Variants in CNOT2 observed in about 807,000 individuals in gnomAD.
CNOT2 encodes the protein CCR4-NOT transcription complex subunit 2, also known as CC chemokine receptor 4-negative regulator of transcription 2.
Under a neutral mutation model 72.1 loss-of-function variants are expected in CNOT2, and 7 were observed. The ratio of observed to expected loss-of-function variants is 0.10; its 90% confidence interval spans 0.06 to 0.18. CNOT2 has a LOEUF of 0.18. CNOT2 is among the 10% of genes least tolerant of loss of function. The pLI is 1.00. For synonymous variants in CNOT2, 196 were observed against 225.6 expected, an observed-to-expected ratio of 0.87 and a Z score of 1.17; for missense variants, 345 against 660.3, an observed-to-expected ratio of 0.52 and a Z score of 5.23.
chr12:70,335,637 C>T (rs1371406986), intron 8 of CNOT2, 74 bp downstream of exon 8: 28 of 1,096,780 alleles, frequency 2.6e-5, no homozygotes, highest in Non-Finnish European at 3.3e-5. Flanking sequence ...TTTACATGTA[C>T]GTATACATAT....
intron 7 of CNOT2, among the ~76,000 whole-genome samples, chr12:70,333,181 T>G (rs1880202908): frequency 1.3e-5 from 2 of 151,900 alleles, no homozygotes; most frequent in Admixed American, 6.6e-5. Flanking sequence ...CCTGTCACTG[T>G]GAGAACTATA....
chr12:70,317,490 T>C (rs1167178205), intron 3 of CNOT2, among the ~76,000 whole-genome samples: 5 of 152,138 alleles, frequency 3.3e-5, no homozygotes, highest in Middle Eastern at 3.4e-3. Flanking sequence ...CAGGCATCTT[T>C]TGATCTGTTG....
At chr12:70,315,681 ATTG>A (rs905528534) in intron 3 of CNOT2, among the ~76,000 whole-genome samples, 3 of 152,046 alleles carry the variant, frequency 2.0e-5, no homozygotes, top group African/African-American at 2.4e-5. Context: ...CCTGGTTTTT[ATTG>A]TTGTTGTTTG....
intron 1 of CNOT2, among the ~76,000 whole-genome samples, chr12:70,277,374 T>C (rs962637793): frequency 8.5e-5 from 13 of 152,230 alleles, no homozygotes; most frequent in African/African-American, 2.9e-4. Context: ...TTATTTTTTA[T>C]TTTTTGGTGG....
intron 1 of CNOT2, among the ~76,000 whole-genome samples, chr12:70,259,315 A>T (rs545976633): frequency 1.5e-4 from 22 of 150,776 alleles, no homozygotes; most frequent in Non-Finnish European, 2.2e-4. Flanking sequence ...TGCAGGGCTT[A>T]TTTTTTTTTA....
rs539162323 is a variant in CNOT2 at position 70,339,089 on chromosome 12, T to TACACAC, written c.1178+268_1178+269insCACACA. Reference sequence around the variant, plus strand: ...ATATGTGTGTGTGTATATATATATATATACACACACACACACACACACACC... The same window carrying TACACAC: ...ATATGTGTGTGTGTATATATATATATACACACATACACACACACACACACACACACC... On this transcript the variant is annotated intron_variant, in intron 11 of 15. Coordinates refer to ENST00000229195, the MANE Select transcript of CNOT2 (RefSeq NM_014515.7). 2.1e-3 allele frequency among the ~76,000 whole-genome samples: 273 copies of TACACAC among 132,642 alleles called. 1 individual carries two copies. The highest frequency in any genetic ancestry group is 7.4e-3 in the African/African-American group (238 of 31,950). The allele number at this position is 132,642 out of a possible 152,430, so 87.0% of individuals were successfully genotyped here. A position where few individuals can be genotyped will look rare whatever the true frequency, so the allele number is the denominator to read the frequency against.
At chr12:70,324,330 T>C (rs1878740428) in intron 4 of CNOT2, 1 of 150,812 alleles carries the variant, frequency 6.6e-6, no homozygotes, top group Non-Finnish European at 1.5e-5. Context: ...AAATAACAAA[T>C]GTCCTGTTTT....
intron 1 of CNOT2, among the ~76,000 whole-genome samples, chr12:70,248,359 A>G (rs974410321): frequency 6.6e-5 from 10 of 152,142 alleles, no homozygotes; most frequent in African/African-American, 2.4e-4. Context: ...CTGAAAGTTG[A>G]TCATTTCTTT....
At chr12:70,326,655 A>G (rs1042113826) in intron 4 of CNOT2, among the ~76,000 whole-genome samples, 7 of 151,828 alleles carry the variant, frequency 4.6e-5, no homozygotes, top group Admixed American at 3.9e-4. Context: ...ATCTTTATAT[A>G]TACCTTTCCA....
intron 1 of CNOT2, among the ~76,000 whole-genome samples, chr12:70,256,225 T>C (rs1958431330): frequency 6.6e-6 from 1 of 152,138 alleles, no homozygotes; most frequent in Admixed American, 6.5e-5. Context: ...CAAAGATATA[T>C]TTTTGCTTTT....
In CNOT2 at chr12:70,310,961, G is replaced by T; in HGVS notation, c.115G>T (p.Asp39Tyr). Residue 39 changes from aspartate (D) to tyrosine (Y), a missense_variant, in exon 3 of 16, where the codon GAC becomes TAC. By Grantham distance (160) the Asp-to-Tyr change is radical (BLOSUM62 -3). Coordinates refer to ENST00000229195, the MANE Select transcript of CNOT2 (RefSeq NM_014515.7). Reference sequence around the variant, plus strand: ...AGAGGGGGTCGACAGTGACTACCATGACGAAAACATGTACTACAGCCAGTC... The same window carrying T: ...AGAGGGGGTCGACAGTGACTACCATTACGAAAACATGTACTACAGCCAGTC... ...FVEGVDSDYH[D>Y]ENMYYSQSSM... The T allele has an allele frequency of 6.2e-7, 1 of 1,606,170 alleles. No homozygotes were observed. Among genetic ancestry groups the T allele is most frequent in the Non-Finnish European group, 8.5e-7 (1 of 1,173,222 alleles).
chr12:70,281,815 T>TTTAAATTTAAACTCATTTAAATTAA (rs1869889551), intron 2 of CNOT2, among the ~76,000 whole-genome samples: 1 of 109,172 alleles, frequency 9.2e-6, no homozygotes, highest in Non-Finnish European at 2.2e-5. Flanking sequence ...CAAGTAGCTA[T>TTTAAATTTAAACTCATTTAAATTAA]TTAAATTTAA....
chr12:70,303,369 C>T (rs1440711428), intron 2 of CNOT2, among the ~76,000 whole-genome samples: 6 of 152,126 alleles, frequency 3.9e-5, no homozygotes, highest in African/African-American at 1.2e-4. Context: ...TGTTCCTTTC[C>T]GTGTTTAGTG....
intron 2 of CNOT2, among the ~76,000 whole-genome samples, chr12:70,282,956 C>G (rs1020070713): frequency 2.6e-5 from 4 of 152,108 alleles, no homozygotes; most frequent in African/African-American, 9.7e-5. Context: ...CCAAGGATTT[C>G]TGCATAATAC....
chr12:70,346,395 A>G (rs1037483604), intron 15 of CNOT2, 71 bp downstream of exon 15: 4 of 1,251,176 alleles, frequency 3.2e-6, no homozygotes, highest in African/African-American at 3.0e-5. Context: ...TTATCTGTTT[A>G]TAAGTACCAA....
chr12:70,256,318 C>G (rs1958436284), intron 1 of CNOT2, among the ~76,000 whole-genome samples: 1 of 152,022 alleles, frequency 6.6e-6, no homozygotes, highest in South Asian at 2.1e-4. Context: ...TGATTTGGAA[C>G]ATCTGATTCA....
rs1324874669 is a variant in CNOT2, at chr12:70,344,151, A to G, written c.1314A>G (p.Arg438=). The G allele has an allele frequency of 6.2e-7, 1 of 1,603,460 alleles. No individual in the cohort carries two copies. The highest frequency in any genetic ancestry group is 1.3e-5 in the African/African-American group (1 of 74,324). The change falls in exon 14 of 16, where the codon CGA becomes CGG. Residue 438 remains arginine (R), a synonymous_variant. Transcript: ENST00000229195. The part of the protein sequence containing the change: ...RDKLAAIKLG[R]YGEDLLFYLY... ...AGCTGGCTGCAATAAAACTTGGCCG[A>G]TATGGTGAAGACCTTCTCTTCTATC...
chr12:70,287,128 A>G (rs145624554), intron 2 of CNOT2, among the ~76,000 whole-genome samples: 145 of 152,016 alleles, frequency 9.5e-4, no homozygotes, highest in African/African-American at 3.3e-3. Flanking sequence ...TGAAGTTGTC[A>G]TCATTAAATA....
intron 2 of CNOT2, among the ~76,000 whole-genome samples, chr12:70,307,449 A>G (rs1593192212): frequency 6.6e-6 from 1 of 152,082 alleles, no homozygotes; most frequent in Admixed American, 6.5e-5. Context: ...TAGGTCTATC[A>G]AGGCATCACT....
Sources: gnomAD v4.1 joint callset for allele counts (sites outside exome capture counted in the v4.1 genomes callset) on GRCh38, gnomAD v4.1.1 for gene constraint, MANE v1.5 for transcripts, NCBI Gene and HGNC (gene_info 2026-07-23, HGNC 2026-07-21) for gene names.